Variants in RXRA observed in about 807,000 individuals in gnomAD.
RXRA encodes retinoid X receptor alpha.
A neutral mutation model predicts 44.5 loss-of-function variants in RXRA; 5 were observed. That is an observed-to-expected ratio of 0.11 (90% CI 0.06 to 0.24). The LOEUF (loss-of-function observed/expected upper bound fraction) is 0.24, where lower values mean the gene tolerates loss of function less well. RXRA is among the 10% of genes least tolerant of loss of function. The pLI, the probability that RXRA is intolerant of heterozygous loss-of-function variation, is 1.00. For synonymous variants in RXRA, 291 were observed against 271.4 expected, an observed-to-expected ratio of 1.07 and a Z score of -0.71; for missense variants, 412 against 646.5, an observed-to-expected ratio of 0.64 and a Z score of 3.93.
chr9:134,429,959 C>T (rs1481037605), intron 7 of RXRA, among the ~76,000 whole-genome samples: 3 of 152,052 alleles, frequency 2.0e-5, no homozygotes, highest in Non-Finnish European at 2.9e-5. Flanking sequence ...AATCTTGGCT[C>T]ACTGCAAGCT....
Position 134,417,384 on chromosome 9 carries a change from C to T in RXRA, c.780+57C>T, listed in dbSNP as rs1831253406. 6 of 1,573,122 alleles carry T rather than the reference C, an allele frequency of 3.8e-6. No homozygotes were observed. In the South Asian group the frequency reaches 4.6e-5, roughly 12 times the overall value. ...CTCACATGCCTCAGTTTCCCTCACT[C>T]ACTCACCCTCCCACCTGAGCAGCTG... On this transcript the variant is annotated intron_variant, in intron 5 of 9. Transcript: ENST00000481739. The surrounding 1 kb of genome is among the most constrained non-coding windows in gnomAD (Gnocchi z 6.1).
intron 1 of RXRA, among the ~76,000 whole-genome samples, chr9:134,375,506 G>A (rs1221933428): frequency 8.5e-5 from 13 of 152,204 alleles, no homozygotes; most frequent in Non-Finnish European, 1.6e-4. Flanking sequence ...GTCCTGGCCC[G>A]GAATAAACCC....
chr9:134,425,453 C>T (rs1019020626), intron 6 of RXRA: 1 of 984,784 alleles, frequency 1.0e-6, no homozygotes, highest in Non-Finnish European at 1.2e-6. Context: ...CCCCCTTCAT[C>T]CCAGGCTGTT....
intron 7 of RXRA, among the ~76,000 whole-genome samples, chr9:134,431,161 C>T (rs1831526032): frequency 6.6e-6 from 1 of 152,252 alleles, no homozygotes; most frequent in African/African-American, 2.4e-5. Context: ...GTGGCCCACC[C>T]TTACTTCCTG....
chr9:134,354,252 C>T (rs949119398), intron 1 of RXRA, among the ~76,000 whole-genome samples: 11 of 152,308 alleles, frequency 7.2e-5, no homozygotes, highest in African/African-American at 2.2e-4. Context: ...CCTGGCCCTG[C>T]GGTCTCTGCG....
intron 6 of RXRA, chr9:134,422,454 C>T: frequency 7.9e-7 from 1 of 1,266,706 alleles, no homozygotes; most frequent in African/African-American, 1.5e-5. Context: ...ACACTCCCTA[C>T]TCCCGGGACA....
chr9:134,410,457 G>T (rs1464195333), intron 4 of RXRA, among the ~76,000 whole-genome samples: 1 of 152,190 alleles, frequency 6.6e-6, no homozygotes, highest in Non-Finnish European at 1.5e-5. Context: ...AGGAGCATGT[G>T]CCCAGCCTGG....
At chr9:134,411,017 C>T (rs1831139616) in intron 4 of RXRA, among the ~76,000 whole-genome samples, 1 of 152,192 alleles carries the variant, frequency 6.6e-6, no homozygotes, top group African/African-American at 2.4e-5. Context: ...CCTCGGGCAC[C>T]CGGTGAGACG....
intron 6 of RXRA, chr9:134,424,497 A>G: frequency 1.0e-6 from 1 of 985,412 alleles, no homozygotes; most frequent in Non-Finnish European, 1.2e-6. Context: ...GTGAGGTCTG[A>G]AGCTGCATTT....
At chr9:134,354,165 C>T (rs1390861813) in intron 1 of RXRA, among the ~76,000 whole-genome samples, 3 of 152,112 alleles carry the variant, frequency 2.0e-5, no homozygotes, top group Non-Finnish European at 4.4e-5. Flanking sequence ...CAGGCACCAG[C>T]AGGGAAGGTG....
chr9:134,426,612 G>A lies in RXRA; in HGVS notation c.911-2496G>A, dbSNP rs1379918462. On this transcript the variant is annotated intron_variant, in intron 6 of 9. Coordinates refer to ENST00000481739, the MANE Select transcript of RXRA (RefSeq NM_002957.6). The surrounding 1 kb of genome is among the most constrained non-coding windows in gnomAD (Gnocchi z 4.6). ...TCAGCAGCGCCTTCTGACCCCAGCC[G>A]TGCACTAGGCCCCTCTGCTGGGCAC... The A allele has an allele frequency of 1.3e-5, 13 of 985,314 alleles. No individual in the cohort carries two copies. The highest frequency in any genetic ancestry group is 1.7e-5 in the African/African-American group (1 of 57,230). The allele number at this position is 985,314 out of a possible 1,614,324, so 61.0% of individuals were successfully genotyped here.
At chr9:134,398,612 G>T (rs567389155) in intron 1 of RXRA, among the ~76,000 whole-genome samples, 407 of 152,268 alleles carry the variant, frequency 2.7e-3, no homozygotes, top group African/African-American at 8.5e-3. Context: ...GAGGTGCCCT[G>T]GAAGGCTGTC....
At chr9:134,390,965 C>T (rs1433427151) in intron 1 of RXRA, among the ~76,000 whole-genome samples, 2 of 152,160 alleles carry the variant, frequency 1.3e-5, no homozygotes, top group Admixed American at 6.5e-5. Context: ...GTCCCCACTG[C>T]CAGCCTTGGG....
chr9:134,377,024 G>A (rs1303592181), intron 1 of RXRA, among the ~76,000 whole-genome samples: 5 of 152,202 alleles, frequency 3.3e-5, no homozygotes, highest in African/African-American at 9.7e-5. Flanking sequence ...CCCGTCAGCC[G>A]GGTTTTCCTG....
In RXRA at chr9:134,397,201, G is replaced by A. The variant is rs138036116; in HGVS notation, c.29-4431G>A. ...CCTCTTCCAGCAGACCCTCTGGGGT[G>A]TGAGTGTCCCTGGGGTCCTGAGTGG... On this transcript the variant is annotated intron_variant, in intron 1 of 9. Transcript: ENST00000481739. 1.5e-3 allele frequency among the ~76,000 whole-genome samples: 229 copies of A among 152,338 alleles called. 1 individual carries two copies. Among genetic ancestry groups the A allele is most frequent in the African/African-American group, 5.3e-3 (221 of 41,574 alleles).
intron 6 of RXRA, chr9:134,423,257 A>C (rs1831378323): frequency 1.4e-5 from 14 of 985,442 alleles, no homozygotes; most frequent in Non-Finnish European, 1.7e-5. Context: ...TCACTGCCCG[A>C]CGATGGTGCT....
intron 1 of RXRA, among the ~76,000 whole-genome samples, chr9:134,364,738 C>A (rs1564271013): frequency 1.3e-5 from 2 of 152,196 alleles, no homozygotes; most frequent in Admixed American, 6.5e-5. Flanking sequence ...CTGGGGTGTT[C>A]TGGGAGATTG....
rs1831435545 is a variant in RXRA at position 134,426,426 on chromosome 9, G to A, written c.911-2682G>A. ...GCTTACAAAGGTGTGTGGGGCAGGA[G>A]AGGAGAAATAACCGAGTGAGGACAT... On this transcript the variant is annotated intron_variant, in intron 6 of 9. Coordinates refer to ENST00000481739, the MANE Select transcript of RXRA (RefSeq NM_002957.6). This position sits in a 1 kb window ranked among gnomAD's most constrained non-coding sequence, Gnocchi z 4.6. The A allele has an allele frequency of 1.0e-6, 1 of 985,360 alleles. No individual in the cohort carries two copies. Among genetic ancestry groups the A allele is most frequent in the African/African-American group, 1.7e-5 (1 of 57,252 alleles). 61.0% of individuals were successfully genotyped at this position (985,360 alleles called of 1,614,324 possible).
intron 1 of RXRA, among the ~76,000 whole-genome samples, chr9:134,385,429 A>T (rs144297090): frequency 6.6e-6 from 1 of 152,256 alleles, no homozygotes; most frequent in East Asian, 1.9e-4. Context: ...CTGCCTCACC[A>T]GTATCCGAGG....
Sources: allele counts gnomAD v4.1 joint callset (sites outside exome capture counted in the v4.1 genomes callset), GRCh38; gene constraint gnomAD v4.1.1; non-coding constraint Gnocchi (gnomAD v3.1); transcripts MANE v1.5; gene names NCBI Gene and HGNC (gene_info 2026-07-23, HGNC 2026-07-21).